CLCNKA: variants seen among roughly 807,000 people sequenced by gnomAD.
The protein encoded by CLCNKA is chloride voltage-gated channel Ka, also known as chloride channel protein ClC-Ka.
A neutral mutation model predicts 83.3 loss-of-function variants in CLCNKA; 66 were observed. That is an observed-to-expected ratio of 0.79 (90% CI 0.65 to 0.97). CLCNKA has a LOEUF of 0.97. Ranked by LOEUF, CLCNKA falls within the 50% of genes least tolerant of loss-of-function variation. CLCNKA has a pLI of 0.00. For synonymous variants in CLCNKA, 357 were observed against 370.4 expected (o/e 0.96, Z 0.42); for missense variants, 806 against 888.7 (o/e 0.91, Z 1.18).
At chr1:16,029,610 G>A (rs981565495) in intron 12 of CLCNKA, 121 bp from the exon 13 acceptor site, 20 of 1,298,628 alleles carry the variant, frequency 1.5e-5, no homozygotes, top group Non-Finnish European at 2.1e-5. Context: ...CTCTGGCAGT[G>A]GGTGCATGGC....
Position 16,023,811 on chromosome 1 carries a change from T to A in CLCNKA, c.112T>A (p.Trp38Arg). The change falls in exon 3 of 20, where the codon TGG becomes AGG. Residue 38 changes from tryptophan to arginine, a missense_variant. By Grantham distance (101) the Trp-to-Arg change is moderately radical (BLOSUM62 -3). Coordinates refer to ENST00000331433, the MANE Select transcript of CLCNKA (RefSeq NM_004070.4). Reference sequence around the variant, plus strand: ...ATACCCTGCCCCAGGTGGCCTGGAGTGGCTAAAGCAGAAGGTGTTCCGCCT... The same window carrying A: ...ATACCCTGCCCCAGGTGGCCTGGAGAGGCTAAAGCAGAAGGTGTTCCGCCT... ...IRRAIQGGLE[W>R]LKQKVFRLGE... 1.2e-6 allele frequency: 2 copies of A among 1,613,834 alleles called. No individual in the cohort carries two copies. Among genetic ancestry groups the A allele is most frequent in the Non-Finnish European group, 1.7e-6 (2 of 1,179,900 alleles).
intron 8 of CLCNKA, 85 bp from the exon 9 acceptor site, chr1:16,027,736 C>G: frequency 7.2e-7 from 1 of 1,387,474 alleles, no homozygotes; most frequent in Non-Finnish European, 1.0e-6. Context: ...CCTGGCACCC[C>G]CTCCACCCTG....
rs2022325184 is a variant in CLCNKA, at chr1:16,025,894, G to T, written c.359-214G>T. Reference sequence around the variant, plus strand: ...CTCAGCCTCCCAAGTAGCTGGGACTGCAGGCACCCGCCACCATGCCCGGCT... The same window carrying T: ...CTCAGCCTCCCAAGTAGCTGGGACTTCAGGCACCCGCCACCATGCCCGGCT... On this transcript the variant is annotated intron_variant, in intron 4 of 19. Transcript: ENST00000331433. Among the ~76,000 whole-genome samples the T allele has an allele frequency of 3.9e-5, 6 of 152,048 alleles. No individual in the cohort carries two copies. The South Asian group carries it at 1.2e-3, about 32-fold the overall frequency.
In CLCNKA at chr1:16,030,504, G is replaced by C. The variant is rs562047995; in HGVS notation, c.1452G>C (p.Thr484=). The stretch of plus-strand genomic sequence containing the variant: ...GGGCTGTGACCCACACCATCTCCAC[G>C]GCGCTGCTGGCCTTTGAGCTGACCG... ...FSGAVTHTIS[T]ALLAFELTGQ... is the part of the protein sequence containing the mutation. Residue 484 remains threonine, a synonymous_variant, in exon 15 of 20, where the codon ACG becomes ACC. Transcript: ENST00000331433. The C allele has an allele frequency of 1.9e-6, 3 of 1,612,898 alleles. No homozygotes were observed. In the East Asian group the frequency reaches 6.7e-5, roughly 36 times the overall value.
chr1:16,024,100 G>A (rs2022250510), intron 3 of CLCNKA, among the ~76,000 whole-genome samples, 172 bp downstream of exon 3: 1 of 152,206 alleles, frequency 6.6e-6, no homozygotes, highest in African/African-American at 2.4e-5. Flanking sequence ...GCCCCTCTCT[G>A]GGCCTCAGTC....
chr1:16,025,256 C>A (rs557982922), intron 4 of CLCNKA, among the ~76,000 whole-genome samples: 2 of 152,316 alleles, frequency 1.3e-5, no homozygotes, highest in African/African-American at 2.4e-5. Flanking sequence ...AGAGCTCCCC[C>A]ATCCTGACAC....
chr1:16,026,830 C>G, intron 7 of CLCNKA, 55 bp downstream of exon 7: 3 of 1,599,918 alleles, frequency 1.9e-6, no homozygotes. Context: ...TCCCCTCACA[C>G]CCTGGGCTCC....
chr1:16,026,428 G>A, intron 5 of CLCNKA, 108 bp from the exon 6 acceptor site: 1 of 1,524,540 alleles, frequency 6.6e-7, no homozygotes, highest in Non-Finnish European at 9.0e-7. Context: ...CCTGAGGACA[G>A]CCCTGGGGGT....
At chr1:16,023,702 C>G in intron 2 of CLCNKA, 98 bp from the exon 3 acceptor site, 1 of 1,473,442 alleles carries the variant, frequency 6.8e-7, no homozygotes, top group South Asian at 1.2e-5. Context: ...ACTCAACTAC[C>G]AGGGTCCTCC....
chr1:16,033,764 C>T lies in CLCNKA; in HGVS notation c.*106C>T. On this transcript the variant is annotated 3_prime_UTR_variant, in exon 20 of 20. Coordinates refer to ENST00000331433, the MANE Select transcript of CLCNKA (RefSeq NM_004070.4). ...TCACCACCTGCCCCTCCCTCCAGCC[C>T]AGCTCCATTCTTTGGCATAACAGGC... 1 of 1,114,024 alleles carries T rather than the reference C, an allele frequency of 9.0e-7. No homozygotes were observed. The highest frequency in any genetic ancestry group is 1.4e-6 in the Non-Finnish European group (1 of 738,630). 69.0% of individuals were successfully genotyped at this position (1,114,024 alleles called of 1,614,324 possible). A position where few individuals can be genotyped will look rare whatever the true frequency, so the allele number is the denominator to read the frequency against.
At chr1:16,032,621 C>A in intron 18 of CLCNKA, 95 bp downstream of exon 18, 1 of 955,006 alleles carries the variant, frequency 1.0e-6, no homozygotes, top group Non-Finnish European at 1.7e-6. Flanking sequence ...CCAACCCCGC[C>A]CCGCCCATCT....
rs115449577 is a variant in CLCNKA at position 16,022,336 on chromosome 1, G to A, written c.-8+273G>A. On this transcript the variant is annotated intron_variant, in intron 1 of 19. Coordinates refer to ENST00000331433, the MANE Select transcript of CLCNKA (RefSeq NM_004070.4). Reference sequence around the variant, plus strand: ...GCTCCCAGTAGTGGAAGCACCAAGCGACCCAGGAGGGTGGGAGCGGTGTCC... The same window carrying A: ...GCTCCCAGTAGTGGAAGCACCAAGCAACCCAGGAGGGTGGGAGCGGTGTCC... 9.8e-3 allele frequency among the ~76,000 whole-genome samples: 1,493 copies of A among 152,226 alleles called. 31 individuals carry two copies. The highest frequency in any genetic ancestry group is 0.034 in the African/African-American group (1,399 of 41,518).
rs774039071 is a variant in CLCNKA, at chr1:16,033,700, G to A, written c.*42G>A. The stretch of plus-strand genomic sequence containing the variant: ...GAAACAGGGCACCCCAGCTGACCTG[G>A]TACTGAGGTTGGGCTGAGACCCTGC... On this transcript the variant is annotated 3_prime_UTR_variant, in exon 20 of 20. Transcript: ENST00000331433. 1.9e-6 allele frequency: 3 copies of A among 1,597,898 alleles called. No homozygotes were observed. The Admixed American group carries it at 5.0e-5, about 27-fold the overall frequency.
chr1:16,029,887 C>A, intron 13 of CLCNKA, 78 bp from the exon 14 acceptor site: 1 of 1,602,876 alleles, frequency 6.2e-7, no homozygotes, highest in Non-Finnish European at 8.5e-7. Context: ...CCGGGTGGTA[C>A]TAAGGATGGT....
chr1:16,033,325 TG>T, intron 19 of CLCNKA, 69 bp downstream of exon 19: 3 of 1,508,806 alleles, frequency 2.0e-6, no homozygotes, highest in Non-Finnish European at 2.8e-6. Flanking sequence ...GATGGGGAGG[TG>T]GGGGGACACC....
At chr1:16,033,384 T>A in intron 19 of CLCNKA, 128 bp downstream of exon 19, 1 of 1,177,466 alleles carries the variant, frequency 8.5e-7, no homozygotes, top group Non-Finnish European at 1.2e-6. Context: ...TACTTATGAG[T>A]CCCTCTTTCT....
intron 15 of CLCNKA, 39 bp downstream of exon 15, chr1:16,030,713 C>A: frequency 1.9e-6 from 3 of 1,611,608 alleles, no homozygotes; most frequent in Non-Finnish European, 2.5e-6. Context: ...AAGGGGGTCA[C>A]AGTGTTTGGG....
chr1:16,029,842 T>G, intron 13 of CLCNKA, 42 bp downstream of exon 13: 1 of 1,612,926 alleles, frequency 6.2e-7, no homozygotes, highest in Non-Finnish European at 8.5e-7. Context: ...TTGGGGTTCT[T>G]GGGGCAGGGC....
At chr1:16,024,618 T>C (rs4083858) in intron 3 of CLCNKA, 145 bp from the exon 4 acceptor site, 266 of 1,148,938 alleles carry the variant, frequency 2.3e-4, no homozygotes, top group Non-Finnish European at 2.8e-4. Context: ...ACTCCTGCCT[T>C]TTCTTGGGGG....
Sources: gnomAD v4.1 joint callset for allele counts (sites outside exome capture counted in the v4.1 genomes callset) on GRCh38, gnomAD v4.1.1 for gene constraint, MANE v1.5 for transcripts, NCBI Gene and HGNC (gene_info 2026-07-23, HGNC 2026-07-21) for gene names.